SCGN: variants seen among roughly 807,000 people sequenced by gnomAD.
SCGN encodes the protein secretagogin, EF-hand calcium binding protein.
A neutral mutation model predicts 39.7 loss-of-function variants in SCGN; 30 were observed. That is an observed-to-expected ratio of 0.76 (90% confidence interval 0.57 to 1.03). The LOEUF is 1.03. Among genes scored for constraint, SCGN ranks in the 50% least tolerant of loss-of-function variants. SCGN has a pLI of 0.00. For missense variants in SCGN, 353 were observed against 349.4 expected (o/e 1.01, Z -0.08); for synonymous variants, 106 against 114.1 (o/e 0.93, Z 0.45).
chr6:25,694,225 A>G (rs1371576148), intron 10 of SCGN, among the ~76,000 whole-genome samples: 3 of 152,224 alleles, frequency 2.0e-5, no homozygotes, highest in Non-Finnish European at 2.9e-5. Context: ...TGATTTTTGA[A>G]TCTGGATAAT....
chr6:25,691,187 T>G, intron 10 of SCGN, 63 bp downstream of exon 10: 1 of 1,260,860 alleles, frequency 7.9e-7, no homozygotes. Context: ...CATTGTTTAT[T>G]TGTGGGAATC....
intron 2 of SCGN, among the ~76,000 whole-genome samples, chr6:25,655,211 C>T (rs1442227849): frequency 6.6e-6 from 1 of 152,226 alleles, no homozygotes; most frequent in Non-Finnish European, 1.5e-5. Context: ...AAAATCTGTC[C>T]TCAGGGACCT....
intron 9 of SCGN, among the ~76,000 whole-genome samples, chr6:25,690,713 C>A (rs1759763900): frequency 6.6e-6 from 1 of 152,094 alleles, no homozygotes; most frequent in Non-Finnish European, 1.5e-5. Context: ...TCAATCTATA[C>A]CTCAAAGGAT....
intron 1 of SCGN, among the ~76,000 whole-genome samples, chr6:25,653,146 G>A (rs527265781): frequency 1.6e-4 from 24 of 152,078 alleles, no homozygotes; most frequent in Non-Finnish European, 2.9e-4. Context: ...GTACTTAATA[G>A]CCTTCCTTTT....
chr6:25,660,749 T>A (rs980238045), intron 2 of SCGN, among the ~76,000 whole-genome samples: 2 of 152,038 alleles, frequency 1.3e-5, no homozygotes, highest in Non-Finnish European at 2.9e-5. Context: ...GGATAATGAG[T>A]CAACAGGATT....
intron 10 of SCGN, 48 bp from the exon 11 acceptor site, chr6:25,701,159 A>G (rs1759906697): frequency 6.4e-7 from 1 of 1,573,436 alleles, no homozygotes. Context: ...TTAAAGGGTG[A>G]GAACACCATT....
intron 7 of SCGN, among the ~76,000 whole-genome samples, chr6:25,682,386 C>CG (rs1759648038): frequency 6.6e-6 from 1 of 151,992 alleles, no homozygotes. Context: ...ACTACTCAGC[C>CG]GACTCCAGGT....
intron 6 of SCGN, among the ~76,000 whole-genome samples, chr6:25,670,801 C>T (rs928292309): frequency 5.3e-5 from 8 of 152,262 alleles, no homozygotes; most frequent in East Asian, 1.9e-4. Flanking sequence ...CTGCCTTTGG[C>T]GAACTCATCC....
At chr6:25,653,507 C>T (rs1760172357) in intron 2 of SCGN, 55 bp downstream of exon 2, 40 of 1,294,162 alleles carry the variant, frequency 3.1e-5, no homozygotes, top group Non-Finnish European at 4.5e-5. Context: ...ATACGCACAT[C>T]CAAGTCTTAT....
intron 2 of SCGN, among the ~76,000 whole-genome samples, chr6:25,654,000 T>A (rs55883228): frequency 0.042 from 6,400 of 152,256 alleles, 335 homozygotes; most frequent in African/African-American, 0.12. Flanking sequence ...CTATCTAGTG[T>A]CCATCTGATG....
chr6:25,687,677 T>C (rs1759722931), intron 7 of SCGN, among the ~76,000 whole-genome samples: 1 of 152,130 alleles, frequency 6.6e-6, no homozygotes, highest in South Asian at 2.1e-4. Flanking sequence ...TAATGGAGTA[T>C]TTAATATGTG....
intron 6 of SCGN, among the ~76,000 whole-genome samples, chr6:25,675,793 C>T (rs1396022862): frequency 6.6e-6 from 1 of 152,194 alleles, no homozygotes; most frequent in South Asian, 2.1e-4. Context: ...CGTCTGGGCT[C>T]AGTCCTCATA....
intron 2 of SCGN, among the ~76,000 whole-genome samples, chr6:25,659,149 T>A (rs1390208458): frequency 1.3e-5 from 2 of 152,212 alleles, no homozygotes; most frequent in Non-Finnish European, 2.9e-5. Context: ...AAAATTGTTT[T>A]TGCTGACCAA....
chr6:25,657,292 A>T (rs1218661591), intron 2 of SCGN, among the ~76,000 whole-genome samples: 1 of 152,070 alleles, frequency 6.6e-6, no homozygotes, highest in Non-Finnish European at 1.5e-5. Flanking sequence ...AAGGACAACT[A>T]TGTGTGGAGG....
chr6:25,694,312 T>G (rs982952339), intron 10 of SCGN, among the ~76,000 whole-genome samples: 2 of 152,174 alleles, frequency 1.3e-5, no homozygotes, highest in African/African-American at 4.8e-5. Flanking sequence ...GTAGGAGAGA[T>G]AGAAGTAAAA....
rs556319477 is a variant in SCGN, at chr6:25,673,136, T to C, written c.471+3060T>C. On this transcript the variant is annotated intron_variant, in intron 6 of 10. Coordinates refer to ENST00000377961, the MANE Select transcript of SCGN (RefSeq NM_006998.4). ...TGACAAAATAAGGAACATTTGTCTT[T>C]GGGACCCTGCTATCTCCCCTGTCAG... Among the ~76,000 whole-genome samples the C allele has an allele frequency of 2.1e-4, 32 of 152,318 alleles. No homozygotes were observed. The South Asian group carries it at 3.3e-3, about 16-fold the overall frequency.
rs1760401140 is a variant in SCGN, at chr6:25,664,941, A to G, written c.247-2A>G. On this transcript the variant is annotated splice_acceptor_variant, in intron 3 of 10. Transcript: ENST00000377961. LOFTEE classifies it high-confidence loss of function. ...TGACTGTTATTCTTTCTGTTCCTTC[A>G]GCTTGCTGGTATGTTCTTATCTGAG... The G allele has an allele frequency of 6.2e-7, 1 of 1,612,350 alleles. No homozygotes were observed. Among genetic ancestry groups the G allele is most frequent in the African/African-American group, 1.3e-5 (1 of 74,856 alleles).
At chr6:25,698,895 C>T (rs113088755) in intron 10 of SCGN, among the ~76,000 whole-genome samples, 2,979 of 152,298 alleles carry the variant, frequency 0.02, 44 homozygotes, top group African/African-American at 0.044. Context: ...TTTCCTCCTT[C>T]CTCCTATTTT....
intron 4 of SCGN, among the ~76,000 whole-genome samples, chr6:25,668,894 A>G (rs987097042): frequency 3.9e-5 from 6 of 152,062 alleles, no homozygotes; most frequent in Non-Finnish European, 5.9e-5. Context: ...GGCGGATCAC[A>G]AGGTCAGCAG....
Sources: gnomAD v4.1 joint callset for allele counts (sites outside exome capture counted in the v4.1 genomes callset) on GRCh38, gnomAD v4.1.1 for gene constraint, MANE v1.5 for transcripts, NCBI Gene and HGNC (gene_info 2026-07-23, HGNC 2026-07-21) for gene names.